Variants in CTNNA3 observed in about 807,000 individuals in gnomAD.
The protein encoded by CTNNA3 is catenin alpha 3.
A neutral mutation model predicts 95.7 loss-of-function variants in CTNNA3; 76 were observed. That is an observed-to-expected ratio of 0.79 (90% confidence interval 0.66 to 0.96). The LOEUF (loss-of-function observed/expected upper bound fraction) is 0.96, where lower values mean the gene tolerates loss of function less well. Among genes scored for constraint, CTNNA3 ranks in the 40% least tolerant of loss-of-function variants. CTNNA3 has a pLI of 0.00. For synonymous variants in CTNNA3, 431 were observed against 374.4 expected (o/e 1.15, Z -1.74); for missense variants, 1,191 against 1,089.8 (o/e 1.09, Z -1.31).
At chr10:66,702,086 T>A (rs1847961720) in intron 9 of CTNNA3, among the ~76,000 whole-genome samples, 1 of 152,086 alleles carries the variant, frequency 6.6e-6, no homozygotes. Context: ...TTTCTTAACT[T>A]ATTTACCCAT....
At chr10:66,667,716 T>TTCAATTTA (rs1846505863) in intron 9 of CTNNA3, among the ~76,000 whole-genome samples, 1 of 152,138 alleles carries the variant, frequency 6.6e-6, no homozygotes, top group Non-Finnish European at 1.5e-5. Flanking sequence ...TCATTACTTC[T>TTCAATTTA]TCAATTTATC....
chr10:67,756,296 T>C (rs1273369162), intron 1 of CTNNA3, among the ~76,000 whole-genome samples: 1 of 152,190 alleles, frequency 6.6e-6, no homozygotes, highest in African/African-American at 2.4e-5. Flanking sequence ...AGTAGTCTAT[T>C]GTACATTTCA....
rs183307792 is a variant in CTNNA3 at position 66,392,546 on chromosome 10, A to C, written c.1532-13194T>G. Among the ~76,000 whole-genome samples, 401 of 152,272 alleles carry C rather than the reference A, an allele frequency of 2.6e-3. 1 individual carries two copies. The highest frequency in any genetic ancestry group is 8.7e-3 in the African/African-American group (360 of 41,568). ...GTACAAATAATTCTTAAAATTCAAT[A>C]ATAAGAAAACAGCTCAATTAAAAAA... On this transcript the variant is annotated intron_variant, in intron 11 of 17. Transcript: ENST00000433211.
intron 13 of CTNNA3, among the ~76,000 whole-genome samples, chr10:66,148,629 T>C (rs1273111208): frequency 1.3e-5 from 2 of 152,044 alleles, no homozygotes; most frequent in Non-Finnish European, 2.9e-5. Context: ...GAAAGTGCCA[T>C]CTCTGAAGCA....
intron 6 of CTNNA3, among the ~76,000 whole-genome samples, chr10:67,191,594 A>C (rs1365104431): frequency 1.3e-5 from 2 of 151,898 alleles, no homozygotes; most frequent in Non-Finnish European, 2.9e-5. Flanking sequence ...TGATGAAAAA[A>C]ATTGAAGACA....
chr10:66,769,313 ATGG>A (rs1427201875), intron 8 of CTNNA3, among the ~76,000 whole-genome samples: 1 of 152,236 alleles, frequency 6.6e-6, no homozygotes, highest in Non-Finnish European at 1.5e-5. Flanking sequence ...GAGCTAGCAC[ATGG>A]TCAGAGGCAG....
intron 11 of CTNNA3, among the ~76,000 whole-genome samples, chr10:66,520,140 T>C: frequency 6.6e-6 from 1 of 151,842 alleles, no homozygotes; most frequent in Non-Finnish European, 1.5e-5. Flanking sequence ...GAGTAGACCA[T>C]GGATGACACA....
Position 66,084,387 on chromosome 10 carries a change from A to C in CTNNA3, c.1978-14898T>G, listed in dbSNP as rs544977547. Among the ~76,000 whole-genome samples the C allele has an allele frequency of 8.9e-4, 136 of 152,146 alleles. 1 individual carries two copies. Among genetic ancestry groups the C allele is most frequent in the African/African-American group, 3.2e-3 (132 of 41,548 alleles). On this transcript the variant is annotated intron_variant, in intron 14 of 17. Transcript: ENST00000433211. ...ACCTATCATGTATCCACAAAAATTA[A>C]AAACTAAAAAAAAAGAGAATGGGTC...
At chr10:66,363,294 C>T (rs1287949659) in intron 12 of CTNNA3, among the ~76,000 whole-genome samples, 1 of 152,116 alleles carries the variant, frequency 6.6e-6, no homozygotes, top group Non-Finnish European at 1.5e-5. Context: ...AACCCTAATC[C>T]CTAATGTGAT....
intron 7 of CTNNA3, among the ~76,000 whole-genome samples, chr10:66,884,817 T>C (rs973822827): frequency 1.2e-4 from 19 of 152,110 alleles, no homozygotes; most frequent in Non-Finnish European, 2.1e-4. Context: ...GATTCAATGA[T>C]GCATTAGAGT....
chr10:66,720,316 T>G (rs2132633689), intron 9 of CTNNA3, among the ~76,000 whole-genome samples: 1 of 152,278 alleles, frequency 6.6e-6, no homozygotes, highest in East Asian at 1.9e-4. Flanking sequence ...CTCTATTTGG[T>G]TGACTCCCAA....
At chr10:66,305,967 T>C (rs569019011) in intron 12 of CTNNA3, among the ~76,000 whole-genome samples, 3 of 152,188 alleles carry the variant, frequency 2.0e-5, no homozygotes, top group East Asian at 1.9e-4. Context: ...CAAAGTCACA[T>C]AGCGGCTTTT....
At chr10:67,241,480 A>C (rs1027802698) in intron 5 of CTNNA3, among the ~76,000 whole-genome samples, 6 of 152,174 alleles carry the variant, frequency 3.9e-5, no homozygotes, top group Admixed American at 6.5e-5. Flanking sequence ...TAACAATTAT[A>C]AAAGTAAAGT....
intron 12 of CTNNA3, among the ~76,000 whole-genome samples, chr10:66,336,580 A>T (rs2092399070): frequency 6.6e-6 from 1 of 152,130 alleles, no homozygotes; most frequent in African/African-American, 2.4e-5. Context: ...GGCCCACAAT[A>T]GTCTTTCTTC....
chr10:67,720,948 C>G (rs76942569), intron 1 of CTNNA3, among the ~76,000 whole-genome samples: 1 of 151,712 alleles, frequency 6.6e-6, no homozygotes, highest in South Asian at 2.1e-4. Context: ...AGTGAGACTC[C>G]GTCTCAGAAA....
chr10:67,269,119 T>C (rs1373955130), intron 5 of CTNNA3, among the ~76,000 whole-genome samples: 2 of 151,764 alleles, frequency 1.3e-5, no homozygotes, highest in African/African-American at 2.4e-5. Flanking sequence ...TTCAGGGGAG[T>C]AGTAAAAAAT....
chr10:66,399,687 A>G (rs988393949), intron 11 of CTNNA3, among the ~76,000 whole-genome samples: 1 of 151,984 alleles, frequency 6.6e-6, no homozygotes, highest in Non-Finnish European at 1.5e-5. Context: ...ACATTGCTGT[A>G]TAAGACCTAA....
chr10:67,038,532 C>T (rs1854206012), intron 7 of CTNNA3, among the ~76,000 whole-genome samples: 1 of 152,044 alleles, frequency 6.6e-6, no homozygotes, highest in South Asian at 2.1e-4. Context: ...ATTCTGATAT[C>T]ATGGAAATTT....
rs186591159 is a variant in CTNNA3 at position 67,178,689 on chromosome 10, A to C, written c.1047+1628T>G. Among the ~76,000 whole-genome samples, 13 of 152,256 alleles carry C rather than the reference A, an allele frequency of 8.5e-5. No individual in the cohort carries two copies. In the East Asian group the frequency reaches 2.5e-3, roughly 29 times the overall value. The stretch of plus-strand genomic sequence containing the variant: ...GATAAATTGAACTTACAATTTTATA[A>C]TTTCTAGGAAAAATAAATGTATATA... On this transcript the variant is annotated intron_variant, in intron 7 of 17. Transcript: ENST00000433211.
Sources: gnomAD v4.1 joint callset for allele counts (sites outside exome capture counted in the v4.1 genomes callset) on GRCh38, gnomAD v4.1.1 for gene constraint, MANE v1.5 for transcripts, NCBI Gene and HGNC (gene_info 2026-07-23, HGNC 2026-07-21) for gene names.